Variants in FBXO42 observed in about 807,000 individuals in gnomAD.
The protein encoded by FBXO42 is F-box only protein 42.
FBXO42 carries 12 observed loss-of-function variants against 71.7 expected under a neutral mutation model. That is an observed-to-expected ratio of 0.17 (90% CI 0.11 to 0.27). The LOEUF (loss-of-function observed/expected upper bound fraction) is 0.27. Ranked by LOEUF, FBXO42 falls within the 10% of genes least tolerant of loss-of-function variation. The pLI is 1.00. For synonymous variants in FBXO42, 325 were observed against 327.5 expected (o/e 0.99, Z 0.08); for missense variants, 707 against 911.9 (o/e 0.78, Z 2.89).
rs1041102736 is a variant in FBXO42, at chr1:16,248,382, A to G, written c.*2288T>C. 5.3e-5 allele frequency: 8 copies of G among 152,224 alleles called. No homozygotes were observed. Among genetic ancestry groups the G allele is most frequent in the African/African-American group, 1.7e-4 (7 of 41,470 alleles). 9.4% of individuals were successfully genotyped at this position (152,224 alleles called of 1,614,324 possible). A position where few individuals can be genotyped will look rare whatever the true frequency, so the allele number is the denominator to read the frequency against. On this transcript the variant is annotated 3_prime_UTR_variant, in exon 10 of 10. Transcript: ENST00000375592. ...GCAGTATGCGTCAAACTGGAATTCA[A>G]TGGAGTTCAGAGGAACCAGATTACT...
chr1:16,279,067 C>T (rs1290355001), intron 4 of FBXO42, among the ~76,000 whole-genome samples: 8 of 152,176 alleles, frequency 5.3e-5, no homozygotes, highest in African/African-American at 9.7e-5. Context: ...TGAGCCACCG[C>T]GCCCAGCCTA....
At chr1:16,300,893 C>CTTTTTT (rs34549210) in intron 3 of FBXO42, among the ~76,000 whole-genome samples, 3 of 100,892 alleles carry the variant, frequency 3.0e-5, no homozygotes, top group African/African-American at 4.1e-5. Context: ...TAGAATTGGC[C>CTTTTTT]TTTTTTTTTT....
At chr1:16,277,491 G>A (rs1035110900) in intron 4 of FBXO42, among the ~76,000 whole-genome samples, 9 of 151,684 alleles carry the variant, frequency 5.9e-5, no homozygotes, top group African/African-American at 1.7e-4. Flanking sequence ...TTGGGGGGCC[G>A]AGGCAAGCGG....
At chr1:16,318,660 A>G (rs2082390578) in intron 1 of FBXO42, among the ~76,000 whole-genome samples, 1 of 152,204 alleles carries the variant, frequency 6.6e-6, no homozygotes, top group Non-Finnish European at 1.5e-5. Flanking sequence ...TGTGTTGCAG[A>G]TTAGATTCTC....
At chr1:16,261,630 G>A (rs780120799) in intron 4 of FBXO42, among the ~76,000 whole-genome samples, 1 of 152,132 alleles carries the variant, frequency 6.6e-6, no homozygotes, top group Non-Finnish European at 1.5e-5. Context: ...AAGAACAAAT[G>A]AGGTGGCAGA....
chr1:16,327,813 C>T (rs2082463795), intron 1 of FBXO42, among the ~76,000 whole-genome samples: 1 of 152,132 alleles, frequency 6.6e-6, no homozygotes, highest in African/African-American at 2.4e-5. Flanking sequence ...GCGATTCTCT[C>T]ACCTCTGCCT....
chr1:16,310,733 G>A (rs920790203), intron 2 of FBXO42, among the ~76,000 whole-genome samples: 9 of 152,018 alleles, frequency 5.9e-5, no homozygotes, highest in African/African-American at 1.9e-4. Flanking sequence ...GGTGGCTCAC[G>A]TCTGTAATCC....
rs569520658 is a variant in FBXO42 at position 16,286,928 on chromosome 1, C to T, written c.502+7855G>A. Among the ~76,000 whole-genome samples the T allele has an allele frequency of 1.4e-4, 21 of 152,244 alleles. No individual in the cohort carries two copies. In the South Asian group the frequency reaches 4.2e-3, roughly 30 times the overall value. ...TCTATCAAATCCACCCAGTTCTTAC[C>T]TTTTGTGAATACTTTACTCCAAGTG... is the stretch of plus-strand genomic sequence containing the variant. On this transcript the variant is annotated intron_variant, in intron 4 of 9. Transcript: ENST00000375592.
intron 4 of FBXO42, among the ~76,000 whole-genome samples, chr1:16,280,827 G>A (rs1410923191): frequency 6.6e-6 from 1 of 152,158 alleles, no homozygotes; most frequent in Non-Finnish European, 1.5e-5. Context: ...GCATGGCTTA[G>A]TAGAAAGAAC....
intron 4 of FBXO42, among the ~76,000 whole-genome samples, chr1:16,282,554 C>A (rs2081975827): frequency 6.7e-6 from 1 of 148,758 alleles, no homozygotes; most frequent in Non-Finnish European, 1.5e-5. Flanking sequence ...AAAAAAAATG[C>A]TGATCCATGA....
At chr1:16,321,167 G>A (rs950527075) in intron 1 of FBXO42, among the ~76,000 whole-genome samples, 10 of 152,078 alleles carry the variant, frequency 6.6e-5, no homozygotes, top group Admixed American at 5.9e-4. Context: ...CCATTCAACT[G>A]TTACACCCTC....
chr1:16,277,374 C>CT (rs910747790), intron 4 of FBXO42, among the ~76,000 whole-genome samples: 36 of 151,558 alleles, frequency 2.4e-4, no homozygotes, highest in African/African-American at 7.0e-4. Context: ...ATACATCATT[C>CT]TTTTTTTTTC....
At chr1:16,328,478 T>C (rs895486327) in intron 1 of FBXO42, among the ~76,000 whole-genome samples, 9 of 152,190 alleles carry the variant, frequency 5.9e-5, no homozygotes, top group Non-Finnish European at 1.3e-4. Flanking sequence ...AATTTTCTTA[T>C]TGGAGTGGGA....
chr1:16,269,249 G>A (rs1315323677), intron 4 of FBXO42, among the ~76,000 whole-genome samples: 2 of 150,418 alleles, frequency 1.3e-5, no homozygotes, highest in Admixed American at 6.6e-5. Flanking sequence ...TATCATACCC[G>A]CCTAATTTTC....
chr1:16,337,512 A>G (rs2082562137), intron 1 of FBXO42, among the ~76,000 whole-genome samples: 1 of 152,162 alleles, frequency 6.6e-6, no homozygotes. Flanking sequence ...TTTGAACCCA[A>G]TCATAGGACT....
chr1:16,274,245 C>T (rs995568088), intron 4 of FBXO42, among the ~76,000 whole-genome samples: 3 of 151,344 alleles, frequency 2.0e-5, no homozygotes, highest in Non-Finnish European at 4.4e-5. Context: ...GCTGGAGCTG[C>T]GGTGAGCTAT....
At chr1:16,324,913 A>T (rs2082438285) in intron 1 of FBXO42, among the ~76,000 whole-genome samples, 1 of 152,178 alleles carries the variant, frequency 6.6e-6, no homozygotes, top group Admixed American at 6.6e-5. Flanking sequence ...AAATTATTGT[A>T]ACTTAAACTG....
At chr1:16,276,198 G>A (rs1376781748) in intron 4 of FBXO42, among the ~76,000 whole-genome samples, 2 of 151,716 alleles carry the variant, frequency 1.3e-5, no homozygotes, top group Non-Finnish European at 2.9e-5. Context: ...TGGCTAACAC[G>A]GTGAAACCCC....
At chr1:16,318,014 G>A (rs2082383245) in intron 1 of FBXO42, among the ~76,000 whole-genome samples, 1 of 152,110 alleles carries the variant, frequency 6.6e-6, no homozygotes, top group Non-Finnish European at 1.5e-5. Context: ...TTACAAGTGA[G>A]GTATCTGAGG....
Sources: gnomAD v4.1 joint callset for allele counts (sites outside exome capture counted in the v4.1 genomes callset) on GRCh38, gnomAD v4.1.1 for gene constraint, MANE v1.5 for transcripts, NCBI Gene and HGNC (gene_info 2026-07-23, HGNC 2026-07-21) for gene names.